The following ROBO2 variants were observed in gnomAD, a reference collection of about 807,000 sequenced individuals.
ROBO2 encodes the protein roundabout guidance receptor 2.
ROBO2 carries 53 observed loss-of-function variants against 160.8 expected under a neutral mutation model. That is an observed-to-expected ratio of 0.33 (90% CI 0.26 to 0.41). ROBO2 has a LOEUF of 0.41. ROBO2 is among the 10% of genes least tolerant of loss of function. The probability of loss-of-function intolerance (pLI) is 1.00; values close to 1 mark genes in which losing one functional copy is unlikely to be tolerated. For synonymous variants in ROBO2, 664 were observed against 611.7 expected (o/e 1.09, Z -1.26); for missense variants, 1,577 against 1,722.4 (o/e 0.92, Z 1.49).
chr3:77,326,640 A>G (rs2065430060), intron 2 of ROBO2, among the ~76,000 whole-genome samples: 1 of 152,172 alleles, frequency 6.6e-6, no homozygotes. Context: ...TTTTTTTCAA[A>G]CAAATCACAA....
At position 76,239,172 on chromosome 3, in the gene ROBO2, TATAGAG is replaced by T. The variant is rs548782372; in HGVS notation, c.109+301578_109+301583del. 1.9e-3 allele frequency among the ~76,000 whole-genome samples: 284 copies of T among 152,224 alleles called. 6 individuals are homozygous for T. In the South Asian group the frequency reaches 0.02, roughly 11 times the overall value. The stretch of plus-strand genomic sequence containing the variant: ...ATGATGACTTTGGTAGAATGGTAGT[TATAGAG>T]ATAGAGAGAAATAAATTTTTTTAAG... On this transcript the variant is annotated intron_variant, in intron 2 of 26. Transcript: ENST00000487694.
rs556330279 is a variant in ROBO2 at position 77,464,279 on chromosome 3, T to C, written c.389-13135T>C. On this transcript the variant is annotated intron_variant, in intron 2 of 25. Coordinates refer to ENST00000461745, the Ensembl canonical transcript of ROBO2. Reference sequence around the variant, plus strand: ...ATCTTTACCACAGTGCTGTGTTGCCTTCCTGCCAAATAGTAGTAGCTCCAT... The same window carrying C: ...ATCTTTACCACAGTGCTGTGTTGCCCTCCTGCCAAATAGTAGTAGCTCCAT... Among the ~76,000 whole-genome samples the C allele has an allele frequency of 1.7e-4, 26 of 152,312 alleles. 1 individual carries two copies. The highest frequency in any genetic ancestry group is 5.1e-4 in the African/African-American group (21 of 41,572).
At chr3:77,568,336 G>A in exon 13 of ROBO2, 6 of 1,612,952 alleles carry the variant, frequency 3.7e-6, no homozygotes, top group Non-Finnish European at 5.1e-6. Flanking sequence ...AGCACAAGGA[G>A]TGGACCACAG....
chr3:77,276,428 C>T (rs2153364221), intron 2 of ROBO2, among the ~76,000 whole-genome samples: 1 of 152,224 alleles, frequency 6.6e-6, no homozygotes, highest in East Asian at 1.9e-4. Context: ...GGCTCACTCC[C>T]CTGAATCTAT....
chr3:77,110,415 T>C (rs1371208044), intron 2 of ROBO2, among the ~76,000 whole-genome samples: 1 of 152,126 alleles, frequency 6.6e-6, no homozygotes, highest in African/African-American at 2.4e-5. Flanking sequence ...GTTCAATACA[T>C]AGTATCATTA....
intron 2 of ROBO2, among the ~76,000 whole-genome samples, chr3:76,465,652 A>T (rs1268473049): frequency 6.6e-6 from 1 of 152,032 alleles, no homozygotes; most frequent in African/African-American, 2.4e-5. Flanking sequence ...GTCTTTCAGA[A>T]AATAACACTC....
At chr3:75,992,633 G>A (rs2065606976) in intron 2 of ROBO2, among the ~76,000 whole-genome samples, 1 of 152,182 alleles carries the variant, frequency 6.6e-6, no homozygotes, top group African/African-American at 2.4e-5. Context: ...ACAACACCTA[G>A]TGGAGCTGTG....
chr3:76,917,577 C>A (rs1163732501), intron 2 of ROBO2, among the ~76,000 whole-genome samples: 1 of 152,134 alleles, frequency 6.6e-6, no homozygotes, highest in African/African-American at 2.4e-5. Flanking sequence ...GAGAAGAGCG[C>A]AGTTTGTTTT....
intron 2 of ROBO2, among the ~76,000 whole-genome samples, chr3:76,547,972 T>C (rs926106188): frequency 2.4e-4 from 36 of 152,158 alleles, no homozygotes; most frequent in African/African-American, 8.4e-4. Context: ...ATTATTTGTT[T>C]TAATGTCATG....
intron 2 of ROBO2, among the ~76,000 whole-genome samples, chr3:76,755,791 A>C (rs1162779226): frequency 1.3e-5 from 2 of 151,838 alleles, no homozygotes; most frequent in African/African-American, 2.4e-5. Context: ...CTTTATCTCT[A>C]AATTATGTTT....
intron 2 of ROBO2, among the ~76,000 whole-genome samples, chr3:76,954,566 A>G (rs912694579): frequency 1.3e-5 from 2 of 152,210 alleles, no homozygotes; most frequent in African/African-American, 4.8e-5. Context: ...CTGAAGAGAA[A>G]CTTTAAAATG....
chr3:77,167,758 A>G (rs1357053843), intron 2 of ROBO2, among the ~76,000 whole-genome samples: 1 of 152,166 alleles, frequency 6.6e-6, no homozygotes, highest in African/African-American at 2.4e-5. Context: ...AATATGCTGA[A>G]TTAGCCCTTG....
intron 2 of ROBO2, among the ~76,000 whole-genome samples, chr3:76,745,989 C>T (rs2093883460): frequency 8.2e-6 from 1 of 121,942 alleles, no homozygotes; most frequent in Non-Finnish European, 1.6e-5. Flanking sequence ...CCTCCTTCCC[C>T]CACCCCAAAA....
At chr3:77,577,447 C>A in intron 14 of ROBO2, 43 bp from the exon 16 acceptor site, 1 of 1,612,572 alleles carries the variant, frequency 6.2e-7, no homozygotes, top group Non-Finnish European at 8.5e-7. Context: ...GAACGCACAC[C>A]AAGGCTTATA....
intron 2 of ROBO2, among the ~76,000 whole-genome samples, chr3:76,336,167 C>T (rs2073877260): frequency 6.6e-6 from 1 of 152,116 alleles, no homozygotes; most frequent in South Asian, 2.1e-4. Context: ...AAATCTTGTT[C>T]TCATTGACCT....
At chr3:76,752,254 C>G (rs897466699) in intron 2 of ROBO2, among the ~76,000 whole-genome samples, 4 of 147,524 alleles carry the variant, frequency 2.7e-5, no homozygotes, top group African/African-American at 7.5e-5. Context: ...CACTTGGACA[C>G]AAGGTGGGGA....
At chr3:76,656,957 T>C (rs765135162) in intron 2 of ROBO2, among the ~76,000 whole-genome samples, 24 of 152,174 alleles carry the variant, frequency 1.6e-4, no homozygotes, top group Non-Finnish European at 1.5e-4. Context: ...ATTTAGTCTT[T>C]AACTGGCTCT....
At chr3:76,732,709 G>A (rs978934699) in intron 2 of ROBO2, among the ~76,000 whole-genome samples, 3 of 152,178 alleles carry the variant, frequency 2.0e-5, no homozygotes, top group Non-Finnish European at 2.9e-5. Context: ...GTCTGAGTGT[G>A]TAATGATGAG....
At chr3:77,582,333 T>G (rs947332201) in intron 16 of ROBO2, among the ~76,000 whole-genome samples, 5 of 152,180 alleles carry the variant, frequency 3.3e-5, no homozygotes, top group Admixed American at 1.3e-4. Context: ...ATTCCTGGCC[T>G]CATGTGATCC....
Sources: gnomAD v4.1 joint callset for allele counts (sites outside exome capture counted in the v4.1 genomes callset) on GRCh38, gnomAD v4.1.1 for gene constraint, MANE v1.5 for transcripts, NCBI Gene and HGNC (gene_info 2026-07-23, HGNC 2026-07-21) for gene names.